Variants in CELSR1 observed in about 807,000 individuals in gnomAD.
The protein encoded by CELSR1 is cadherin EGF LAG seven-pass G-type receptor 1, also known as adhesion G protein-coupled receptor C1.
Under a neutral mutation model 249.1 loss-of-function variants are expected in CELSR1, and 110 were observed. The ratio of observed to expected loss-of-function variants is 0.44; its 90% CI spans 0.38 to 0.52. The LOEUF (loss-of-function observed/expected upper bound fraction) is 0.52. CELSR1 is among the 20% of genes least tolerant of loss of function. The pLI, the probability that CELSR1 is intolerant of heterozygous loss-of-function variation, is 0.00. For synonymous variants in CELSR1, 2,113 were observed against 1,900.0 expected (o/e 1.11, Z -2.92); for missense variants, 4,109 against 4,296.4 (o/e 0.96, Z 1.22).
intron 1 of CELSR1, among the ~76,000 whole-genome samples, chr22:46,529,465 G>A (rs2080770687): frequency 6.6e-6 from 1 of 151,966 alleles, no homozygotes; most frequent in African/African-American, 2.4e-5. Context: ...GAAGGGGGTA[G>A]CAGGAGGAAG....
At chr22:46,487,796 G>A (rs117259753) in intron 1 of CELSR1, among the ~76,000 whole-genome samples, 3,978 of 141,292 alleles carry the variant, frequency 0.028, 90 homozygotes, top group Non-Finnish European at 0.045. Context: ...GATACTGACG[G>A]AAGTAGAGGG....
chr22:46,431,112 A>G (rs187278549), intron 5 of CELSR1, among the ~76,000 whole-genome samples: 13 of 152,322 alleles, frequency 8.5e-5, no homozygotes, highest in Non-Finnish European at 1.3e-4. Context: ...CACGGAAGCC[A>G]TGGATCCCGG....
Position 46,533,701 on chromosome 22 carries a change from G to A in CELSR1, c.3470C>T (p.Thr1157Met), listed in dbSNP as rs777478417. The A allele has an allele frequency of 1.1e-5, 17 of 1,611,838 alleles. 1 individual carries two copies. The highest frequency in any genetic ancestry group is 1.6e-4 in the Middle Eastern group (1 of 6,084). Reference sequence around the variant, plus strand: ...GTCGCGGCTGAGCTGCAGTTCGCCCGTGGCGGGGTCCAGCAGCAACAGGCG... The same window carrying A: ...GTCGCGGCTGAGCTGCAGTTCGCCCATGGCGGGGTCCAGCAGCAACAGGCG... ...ELRLLLLDPATGELQLSRDLD... is the reference protein window; with the variant it reads ...ELRLLLLDPAMGELQLSRDLD... Residue 1157 changes from threonine to methionine, a missense_variant, in exon 1 of 35, where the codon ACG becomes ATG. By Grantham distance (81) the Thr-to-Met change is moderately conservative. Transcript: ENST00000674500.
At chr22:46,502,383 G>A (rs2080474804) in intron 1 of CELSR1, among the ~76,000 whole-genome samples, 1 of 141,534 alleles carries the variant, frequency 7.1e-6, no homozygotes, top group Non-Finnish European at 1.6e-5. Flanking sequence ...GGAAAGGGGA[G>A]GGAAGGGTAA....
chr22:46,445,309 T>C lies in CELSR1; in HGVS notation c.4184-5898A>G, dbSNP rs113743682. On this transcript the variant is annotated intron_variant, in intron 2 of 34. Coordinates refer to ENST00000674500, the MANE Select transcript of CELSR1 (RefSeq NM_001378328.1). This position sits in a 1 kb window ranked among gnomAD's most constrained non-coding sequence, Gnocchi z 4.4. ...AGGAGTTCGAGACCAGCCTGGCCAA[T>C]GTGACAAAACCCCGTCTCTACTAAA... Among the ~76,000 whole-genome samples, 6,618 of 151,952 alleles carry C rather than the reference T, an allele frequency of 0.044. 455 individuals are homozygous for C. Among genetic ancestry groups the C allele is most frequent in the African/African-American group, 0.14 (5,882 of 41,422 alleles).
In CELSR1 at chr22:46,517,116, C is replaced by A. The variant is rs1304756297; in HGVS notation, c.3544+16511G>T. On this transcript the variant is annotated intron_variant, in intron 1 of 34. Coordinates refer to ENST00000674500, the MANE Select transcript of CELSR1 (RefSeq NM_001378328.1). This position sits in a 1 kb window ranked among gnomAD's most constrained non-coding sequence, Gnocchi z 5.4. ...CAGGTTCTCACCCCAATGGATCATTCCCCTGAGGTATACAAACCACCTCCC... is the reference window on the plus strand; with the variant it reads ...CAGGTTCTCACCCCAATGGATCATTACCCTGAGGTATACAAACCACCTCCC... Among the ~76,000 whole-genome samples, 1 of 152,228 alleles carries A rather than the reference C, an allele frequency of 6.6e-6. No individual in the cohort carries two copies. Among genetic ancestry groups the A allele is most frequent in the Non-Finnish European group, 1.5e-5 (1 of 68,030 alleles).
At chr22:46,364,856 G>T in intron 32 of CELSR1, 120 bp from the exon 33 acceptor site, 1 of 1,038,388 alleles carries the variant, frequency 9.6e-7, no homozygotes, top group Non-Finnish European at 1.4e-6. Context: ...TGGTAGGGCT[G>T]AACCCTAAAG....
chr22:46,449,342 ACATC>A (rs1569171132), intron 2 of CELSR1, among the ~76,000 whole-genome samples: 1 of 138,872 alleles, frequency 7.2e-6, no homozygotes, highest in Non-Finnish European at 1.5e-5. Flanking sequence ...ACCACATCAC[ACATC>A]CATCCAACCA....
rs746173303 is a variant in CELSR1 at position 46,372,935 on chromosome 22, C to T, written c.7707G>A (p.Gly2569=). Residue 2569 remains glycine, a synonymous_variant, in exon 25 of 35, where the codon GGG becomes GGA. Transcript: ENST00000674500. ...CCACGACGTAGTAGAACCGCATGGG[C>T]CCCGTGTCGATGTTGCGCACCTCGG... The part of the protein sequence containing the change: ...MLTEVRNIDT[G]PMRFYYVVGW... The T allele has an allele frequency of 6.2e-7, 1 of 1,613,200 alleles. No individual in the cohort carries two copies. Among genetic ancestry groups the T allele is most frequent in the South Asian group, 1.1e-5 (1 of 91,046 alleles).
At chr22:46,479,778 A>G (rs2080248061) in intron 1 of CELSR1, among the ~76,000 whole-genome samples, 1 of 152,212 alleles carries the variant, frequency 6.6e-6, no homozygotes, top group Non-Finnish European at 1.5e-5. Flanking sequence ...CAAAACAATA[A>G]GGTGCCATGC....
Position 46,363,244 on chromosome 22 carries a change from G to A in CELSR1, c.9039C>T (p.Gly3013=). The change falls in exon 35 of 35, where the codon GGC becomes GGT. Residue 3013 remains glycine (G), a synonymous_variant. Coordinates refer to ENST00000674500, the MANE Select transcript of CELSR1 (RefSeq NM_001378328.1). This position sits in a 1 kb window ranked among gnomAD's most constrained non-coding sequence, Gnocchi z 4.3. ...SAQADGSDSE[G]SNETSI Reference sequence around the variant, plus strand: ...TGGTTCAAATTGAAGTTTCATTACTGCCTCTGCGCGTGGGAAGAAGCCAGC... The same window carrying A: ...TGGTTCAAATTGAAGTTTCATTACTACCTCTGCGCGTGGGAAGAAGCCAGC... 1.9e-6 allele frequency: 3 copies of A among 1,611,546 alleles called. No homozygotes were observed. The highest frequency in any genetic ancestry group is 2.5e-6 in the Non-Finnish European group (3 of 1,179,204).
chr22:46,364,638 C>T lies in CELSR1; in HGVS notation c.8653G>A (p.Glu2885Lys), dbSNP rs1266417844. Residue 2885 changes from glutamate to lysine, a missense_variant, in exon 33 of 35, where the codon GAG becomes AAG. By Grantham distance (56) the Glu-to-Lys change is moderately conservative. Transcript: ENST00000674500. ...TGCAGCTCCACGCTGACCTTGGTCT[C>T]CACCTTCAGGCGGGGCTTGCCGCTG... ...DPSGKPRLKV[E>K]TKVSVELHRE... The T allele has an allele frequency of 1.2e-6, 2 of 1,612,598 alleles. No homozygotes were observed. The highest frequency in any genetic ancestry group is 3.3e-5 in the Admixed American group (2 of 60,000).
chr22:46,534,122 C>T lies in CELSR1; in HGVS notation c.3049G>A (p.Val1017Met), dbSNP rs1173455431. The part of the protein sequence containing the change: ...FVEENNPVGS[V>M]VAKIRANDPD... ...TCGTTAGCACGAATCTTTGCCACCA[C>T]CGACCCCACTGGGTTGTTCTCCTCA... Residue 1017 changes from valine to methionine, a missense_variant, in exon 1 of 35, where the codon GTG becomes ATG. Val to Met is a conservative substitution (Grantham distance 21). Around this residue, in one of 7 missense-constraint regions of CELSR1, gnomAD observed 886 missense variants for 896.5 expected, o/e 0.99. Transcript: ENST00000674500. The surrounding 1 kb of genome is among the most constrained non-coding windows in gnomAD (Gnocchi z 9.7). The T allele has an allele frequency of 1.2e-6, 2 of 1,613,776 alleles. No homozygotes were observed. The highest frequency in any genetic ancestry group is 1.7e-5 in the Admixed American group (1 of 60,026).
chr22:46,449,179 C>T (rs2079853179), intron 2 of CELSR1, among the ~76,000 whole-genome samples: 1 of 151,964 alleles, frequency 6.6e-6, no homozygotes, highest in African/African-American at 2.4e-5. Context: ...AGCTTCCATC[C>T]AACCACCCAT....
In CELSR1 at chr22:46,473,075, G is replaced by A. The variant is rs1464549992; in HGVS notation, c.3545-8730C>T. ...GGAGAGACACGGGCACGGAGGCAGG[G>A]GGTGGGTGAACCTCCGACTGCTGCC... is the stretch of plus-strand genomic sequence containing the variant. On this transcript the variant is annotated intron_variant, in intron 1 of 34. Coordinates refer to ENST00000674500, the MANE Select transcript of CELSR1 (RefSeq NM_001378328.1). This position sits in a 1 kb window ranked among gnomAD's most constrained non-coding sequence, Gnocchi z 6.6. Among the ~76,000 whole-genome samples the A allele has an allele frequency of 1.3e-5, 2 of 152,156 alleles. No individual in the cohort carries two copies. Among genetic ancestry groups the A allele is most frequent in the African/African-American group, 4.8e-5 (2 of 41,436 alleles).
At chr22:46,403,344 C>G (rs1487125520) in intron 9 of CELSR1, among the ~76,000 whole-genome samples, 4 of 149,594 alleles carry the variant, frequency 2.7e-5, no homozygotes, top group African/African-American at 9.9e-5. Context: ...GTCAGGAGAT[C>G]GAGGCCATCC....
Position 46,369,784 on chromosome 22 carries a change from G to C in CELSR1, c.7780C>G (p.Pro2594Ala), listed in dbSNP as rs368486498. The C allele has an allele frequency of 7.4e-5, 119 of 1,613,024 alleles. No homozygotes were observed. The highest frequency in any genetic ancestry group is 9.5e-5 in the Non-Finnish European group (112 of 1,180,004). Residue 2594 changes from proline (P) to alanine (A), a missense_variant, in exon 26 of 35, where the codon CCC becomes GCC. Pro to Ala is a conservative substitution (Grantham distance 27). Transcript: ENST00000674500. ...AAGTCGGGGTTCCCGTAGCCCTGGG[G>C]GTCCAGGCCGACCGCCAGTCCTGAA... is the stretch of plus-strand genomic sequence containing the variant. ...IVTGLAVGLD[P>A]QGYGNPDFCW...
Position 46,362,434 on chromosome 22 carries a change from G to A in CELSR1, c.*789C>T, listed in dbSNP as rs149981099. ...GCGAACACTGGGGACCCAGGGGGCC[G>A]GCGGGGAGGGCCCACACCATCCTCA... On this transcript the variant is annotated 3_prime_UTR_variant, in exon 35 of 35. Transcript: ENST00000674500. 3,921 of 152,712 alleles carry A rather than the reference G, an allele frequency of 0.026. 75 individuals carry two copies. Among genetic ancestry groups the A allele is most frequent in the Non-Finnish European group, 0.037 (2,553 of 68,172 alleles). 9.5% of individuals were successfully genotyped at this position (152,712 alleles called of 1,614,324 possible). A position where few individuals can be genotyped will look rare whatever the true frequency, so the allele number is the denominator to read the frequency against.
intron 1 of CELSR1, among the ~76,000 whole-genome samples, chr22:46,477,839 A>AC (rs1392001424): frequency 6.6e-6 from 1 of 151,610 alleles, no homozygotes; most frequent in Non-Finnish European, 1.5e-5. Flanking sequence ...AAAAGGAGGA[A>AC]CCCCCGGGCT....
Sources: gnomAD v4.1 joint callset for allele counts (sites outside exome capture counted in the v4.1 genomes callset) on GRCh38, gnomAD v4.1.1 for gene constraint, gnomAD v4.1.1 regional missense constraint, Gnocchi (gnomAD v3.1) non-coding constraint, MANE v1.5 for transcripts, NCBI Gene and HGNC (gene_info 2026-07-23, HGNC 2026-07-21) for gene names.